IGFBP2: variants seen among roughly 807,000 people sequenced by gnomAD.
The protein encoded by IGFBP2 is insulin like growth factor binding protein 2, also known as insulin-like growth factor-binding protein 2.
IGFBP2 carries 12 observed loss-of-function variants against 26.2 expected under a neutral mutation model. The observed-to-expected ratio is 0.46, with a 90% CI of 0.29 to 0.74. The LOEUF is 0.74. IGFBP2 is among the 30% of genes least tolerant of loss of function. The pLI is 0.09. For synonymous variants in IGFBP2, 189 were observed against 200.6 expected (o/e 0.94, Z 0.49); for missense variants, 328 against 441.2 (o/e 0.74, Z 2.30).
chr2:216,636,346 G>C (rs1697495522), intron 1 of IGFBP2, among the ~76,000 whole-genome samples: 1 of 152,054 alleles, frequency 6.6e-6, no homozygotes, highest in South Asian at 2.1e-4. Context: ...CTCTTATTTC[G>C]AGGCAGCGAA....
At chr2:216,632,959 G>A (rs1164847621), upstream of IGFBP2, 1 of 152,232 alleles carries the variant, frequency 6.6e-6, no homozygotes, top group Non-Finnish European at 1.5e-5. Context: ...TGTCAGTGGT[G>A]GGTGATACCC....
Position 216,633,642 on chromosome 2 carries a change from T to C in IGFBP2, c.119T>C (p.Phe40Ser). The change falls in exon 1 of 4, where the codon TTC becomes TCC. Residue 40 changes from phenylalanine to serine, a missense_variant. Physicochemically the swap from Phe to Ser is radical, Grantham distance 155. Coordinates refer to ENST00000233809, the MANE Select transcript of IGFBP2 (RefSeq NM_000597.3). ...GGGGARAEVL[F>S]RCPPCTPERL... is the part of the protein sequence containing the mutation. ...GGCGGGGCGCGCGCGGAGGTGCTGTTCCGCTGCCCGCCCTGCACACCCGAG... is the reference window on the plus strand; with the variant it reads ...GGCGGGGCGCGCGCGGAGGTGCTGTCCCGCTGCCCGCCCTGCACACCCGAG... 1 of 1,059,916 alleles carries C rather than the reference T, an allele frequency of 9.4e-7. No homozygotes were observed. Among genetic ancestry groups the C allele is most frequent in the Non-Finnish European group, 1.1e-6 (1 of 881,748 alleles). The allele number at this position is 1,059,916 out of a possible 1,614,324, so 65.7% of individuals were successfully genotyped here.
chr2:216,654,492 A>G (rs1169679171), intron 1 of IGFBP2, among the ~76,000 whole-genome samples: 2 of 152,220 alleles, frequency 1.3e-5, no homozygotes, highest in African/African-American at 2.4e-5. Context: ...CAACTCAGGC[A>G]GTTAGATTTT....
intron 1 of IGFBP2, among the ~76,000 whole-genome samples, chr2:216,657,814 G>A (rs1329549963): frequency 6.6e-6 from 1 of 152,126 alleles, no homozygotes; most frequent in Non-Finnish European, 1.5e-5. Context: ...CTTCATTTAT[G>A]GTACAACCCA....
intron 3 of IGFBP2, 49 bp from the exon 4 acceptor site, chr2:216,663,891 G>C (rs765333696): frequency 1.9e-6 from 3 of 1,577,544 alleles, no homozygotes; most frequent in Non-Finnish European, 2.6e-6. Context: ...GGGACAGAAG[G>C]AAAGTTGCTG....
chr2:216,650,710 C>T (rs978892752), intron 1 of IGFBP2, among the ~76,000 whole-genome samples: 2 of 152,142 alleles, frequency 1.3e-5, no homozygotes, highest in Non-Finnish European at 2.9e-5. Context: ...GTCGTGTGAT[C>T]TTATAACCTA....
At chr2:216,659,750 A>G (rs1444398687) in intron 1 of IGFBP2, 1 of 1,534,964 alleles carries the variant, frequency 6.5e-7, no homozygotes, top group African/African-American at 1.4e-5. Context: ...CCCTGCAGTA[A>G]GCTGAAGCTA....
At chr2:216,652,003 C>A (rs753473646) in intron 1 of IGFBP2, among the ~76,000 whole-genome samples, 15 of 151,932 alleles carry the variant, frequency 9.9e-5, no homozygotes, top group Non-Finnish European at 1.5e-4. Context: ...CTCAAATGAC[C>A]CGCCCACCTC....
Position 216,663,922 on chromosome 2 carries a change from C to T in IGFBP2, c.814-18C>T. The T allele has an allele frequency of 6.2e-7, 1 of 1,611,476 alleles. No homozygotes were observed. Among genetic ancestry groups the T allele is most frequent in the Non-Finnish European group, 8.5e-7 (1 of 1,178,470 alleles). ...TGCTGGCTGCGGGCTCCTCCATGCT[C>T]TTCTCCTCTCTCCCCAGTGCAAGAT... is the stretch of plus-strand genomic sequence containing the variant. On this transcript the variant is annotated intron_variant, in intron 3 of 3. Transcript: ENST00000233809.
At chr2:216,653,984 A>G (rs1408891662) in intron 1 of IGFBP2, among the ~76,000 whole-genome samples, 1 of 152,178 alleles carries the variant, frequency 6.6e-6, no homozygotes, top group Non-Finnish European at 1.5e-5. Context: ...GCTAAGAACC[A>G]TTTCTTATAG....
intron 2 of IGFBP2, chr2:216,661,521 T>C (rs1688647093): frequency 1.7e-5 from 7 of 401,870 alleles, no homozygotes; most frequent in South Asian, 1.5e-4. Context: ...GAAGTGGAGC[T>C]TGGGCATGGG....
Position 216,636,843 on chromosome 2 carries a change from G to C in IGFBP2, c.442+2878G>C, listed in dbSNP as rs1372634065. 3.9e-5 allele frequency among the ~76,000 whole-genome samples: 6 copies of C among 151,906 alleles called. No homozygotes were observed. The South Asian group carries it at 6.2e-4, about 16-fold the overall frequency. On this transcript the variant is annotated intron_variant, in intron 1 of 3. Transcript: ENST00000233809. ...GAGGGGCGGGGCCGCCCGAGTGGCC[G>C]TTTGGCCCGCTGCACGTATAAAGGT...
intron 1 of IGFBP2, among the ~76,000 whole-genome samples, chr2:216,652,390 G>A (rs989111680): frequency 1.3e-5 from 2 of 152,150 alleles, no homozygotes; most frequent in South Asian, 4.1e-4. Context: ...TGGTCAGACT[G>A]GTCTCGAACT....
chr2:216,660,352 CTAG>C (rs1698011865), intron 1 of IGFBP2, among the ~76,000 whole-genome samples: 1 of 152,150 alleles, frequency 6.6e-6, no homozygotes, highest in Non-Finnish European at 1.5e-5. Flanking sequence ...GGGGAGGGTG[CTAG>C]TAGTACCCAC....
intron 2 of IGFBP2, 129 bp downstream of exon 2, chr2:216,660,915 A>C (rs1237752750): frequency 4.3e-6 from 3 of 702,270 alleles, no homozygotes; most frequent in Non-Finnish European, 7.2e-6. Context: ...CTTTCCACAA[A>C]CATAGTTGTG....
At chr2:216,641,106 A>G (rs1047587789) in intron 1 of IGFBP2, among the ~76,000 whole-genome samples, 1 of 152,208 alleles carries the variant, frequency 6.6e-6, no homozygotes, top group Non-Finnish European at 1.5e-5. Context: ...TTGGTAAAAT[A>G]GCAATGATTT....
intron 1 of IGFBP2, among the ~76,000 whole-genome samples, chr2:216,636,597 A>C: frequency 6.6e-6 from 1 of 152,078 alleles, no homozygotes; most frequent in Admixed American, 6.6e-5. Flanking sequence ...CTAGAAGAAA[A>C]ACCGAAAGGA....
At chr2:216,643,908 C>T (rs1035307935) in intron 1 of IGFBP2, among the ~76,000 whole-genome samples, 9 of 152,106 alleles carry the variant, frequency 5.9e-5, no homozygotes, top group Non-Finnish European at 1.0e-4. Context: ...TCCACACTCA[C>T]AAAGAGCAGG....
chr2:216,650,104 T>TG (rs1326554274), intron 1 of IGFBP2, among the ~76,000 whole-genome samples: 2 of 152,114 alleles, frequency 1.3e-5, no homozygotes, highest in African/African-American at 4.8e-5. Context: ...CACAAAGGCA[T>TG]GGGGGCCTGG....
Sources: allele counts gnomAD v4.1 joint callset (sites outside exome capture counted in the v4.1 genomes callset), GRCh38; gene constraint gnomAD v4.1.1; transcripts MANE v1.5; gene names NCBI Gene and HGNC (gene_info 2026-07-23, HGNC 2026-07-21).